PLEKHA5: variants seen among roughly 807,000 people sequenced by gnomAD.
The protein encoded by PLEKHA5 is pleckstrin homology domain-containing family A member 5.
PLEKHA5 carries 55 observed loss-of-function variants against 181.9 expected under a neutral mutation model. That is an observed-to-expected ratio of 0.30 (90% CI 0.24 to 0.38). PLEKHA5 has a LOEUF of 0.38. Among genes scored for constraint, PLEKHA5 ranks in the 10% least tolerant of loss-of-function variants. PLEKHA5 has a pLI of 1.00. For missense variants in PLEKHA5, 1,432 were observed against 1,549.5 expected (o/e 0.92, Z 1.27); for synonymous variants, 535 against 529.4 (o/e 1.01, Z -0.15).
At chr12:19,316,716 T>C (rs1171128480) in intron 16 of PLEKHA5, among the ~76,000 whole-genome samples, 3 of 152,160 alleles carry the variant, frequency 2.0e-5, no homozygotes, top group Admixed American at 2.0e-4. Context: ...ACTTAATTAT[T>C]AAGCAGGGCA....
At chr12:19,184,945 T>C (rs909640316) in intron 3 of PLEKHA5, among the ~76,000 whole-genome samples, 7 of 152,142 alleles carry the variant, frequency 4.6e-5, no homozygotes, top group East Asian at 1.9e-4. Flanking sequence ...GTGATTGTTA[T>C]ATAGTCGGTG....
chr12:19,316,612 T>G (rs1231873905), intron 16 of PLEKHA5, among the ~76,000 whole-genome samples: 3 of 152,130 alleles, frequency 2.0e-5, no homozygotes, highest in Non-Finnish European at 4.4e-5. Context: ...CATGGCTGAG[T>G]CACCAGTTAC....
chr12:19,175,395 A>G (rs2046944053), intron 3 of PLEKHA5, among the ~76,000 whole-genome samples: 1 of 152,208 alleles, frequency 6.6e-6, no homozygotes, highest in African/African-American at 2.4e-5. Context: ...GACTTTTTTC[A>G]GTTTTATAAA....
chr12:19,357,724 C>T lies in PLEKHA5; in HGVS notation c.3139-504C>T, dbSNP rs544387581. On this transcript the variant is annotated intron_variant, in intron 26 of 31. Coordinates refer to ENST00000429027, the MANE Select transcript of PLEKHA5 (RefSeq NM_001256470.2). ...GATCTCAGCTCGCTGCAACCTCCAC[C>T]TCCTGGGCTCAAACCATCCTCCTAC... Among the ~76,000 whole-genome samples, 323 of 152,208 alleles carry T rather than the reference C, an allele frequency of 2.1e-3. 1 individual carries two copies. Among genetic ancestry groups the T allele is most frequent in the Non-Finnish European group, 3.9e-3 (262 of 68,020 alleles).
intron 3 of PLEKHA5, among the ~76,000 whole-genome samples, chr12:19,145,338 T>TAGGCAGGCA (rs1317994184): frequency 6.6e-6 from 1 of 152,126 alleles, no homozygotes; most frequent in East Asian, 1.9e-4. Context: ...AGAGGACTTG[T>TAGGCAGGCA]AGGAAGATGT....
At chr12:19,272,809 T>A (rs2073344077) in intron 10 of PLEKHA5, among the ~76,000 whole-genome samples, 1 of 152,230 alleles carries the variant, frequency 6.6e-6, no homozygotes, top group African/African-American at 2.4e-5. Context: ...AAATATGTTT[T>A]AAAAATCTTT....
intron 3 of PLEKHA5, among the ~76,000 whole-genome samples, chr12:19,230,282 G>A (rs2060299946): frequency 6.6e-6 from 1 of 152,176 alleles, no homozygotes; most frequent in Admixed American, 6.5e-5. Flanking sequence ...CTAGACTCAG[G>A]AGCCCAGCTG....
intron 16 of PLEKHA5, among the ~76,000 whole-genome samples, chr12:19,317,194 C>T (rs779817951): frequency 1.9e-4 from 29 of 152,060 alleles, no homozygotes; most frequent in Non-Finnish European, 3.4e-4. Context: ...AAGCAAGACC[C>T]TGTCTCTGCA....
At chr12:19,333,279 C>T (rs2153101660) in intron 20 of PLEKHA5, among the ~76,000 whole-genome samples, 1 of 151,724 alleles carries the variant, frequency 6.6e-6, no homozygotes, top group East Asian at 2.0e-4. Context: ...GAGTGAAACT[C>T]CATCTCAAAA....
intron 3 of PLEKHA5, among the ~76,000 whole-genome samples, chr12:19,238,535 T>C (rs957997667): frequency 3.3e-5 from 5 of 152,134 alleles, no homozygotes; most frequent in African/African-American, 1.2e-4. Context: ...TTCTACCCAA[T>C]TTAACTATAC....
chr12:19,172,145 A>G (rs1441866597), intron 3 of PLEKHA5, among the ~76,000 whole-genome samples: 2 of 152,224 alleles, frequency 1.3e-5, no homozygotes, highest in African/African-American at 4.8e-5. Flanking sequence ...ATTATGTACT[A>G]TACATAATTG....
At chr12:19,181,493 G>T (rs534408740) in intron 3 of PLEKHA5, among the ~76,000 whole-genome samples, 1 of 152,272 alleles carries the variant, frequency 6.6e-6, no homozygotes, top group South Asian at 2.1e-4. Context: ...AGCCCTTTAG[G>T]GCTGGGCATG....
At chr12:19,251,272 G>T (rs1306644577) in intron 3 of PLEKHA5, among the ~76,000 whole-genome samples, 1 of 152,056 alleles carries the variant, frequency 6.6e-6, no homozygotes, top group East Asian at 1.9e-4. Context: ...CAGGCATGGT[G>T]ACACACGCTC....
chr12:19,291,438 C>T (rs1158925327), intron 14 of PLEKHA5, among the ~76,000 whole-genome samples: 3 of 152,134 alleles, frequency 2.0e-5, no homozygotes, highest in Non-Finnish European at 2.9e-5. Flanking sequence ...TGCATGTCTA[C>T]GTAATTTCTT....
intron 15 of PLEKHA5, among the ~76,000 whole-genome samples, chr12:19,306,022 G>C (rs1400442961): frequency 1.3e-5 from 2 of 152,018 alleles, no homozygotes; most frequent in Non-Finnish European, 2.9e-5. Context: ...AGAGGTTGCA[G>C]TGAGCTGAGA....
intron 3 of PLEKHA5, among the ~76,000 whole-genome samples, chr12:19,248,887 A>G (rs1271967787): frequency 6.6e-6 from 1 of 152,228 alleles, no homozygotes; most frequent in Non-Finnish European, 1.5e-5. Flanking sequence ...TAATGATGAC[A>G]TATACTGAAT....
At chr12:19,315,582 G>A (rs1435905240) in intron 16 of PLEKHA5, among the ~76,000 whole-genome samples, 1 of 152,080 alleles carries the variant, frequency 6.6e-6, no homozygotes, top group Non-Finnish European at 1.5e-5. Flanking sequence ...AAATTTTTGT[G>A]TATCTCATGG....
Position 19,290,793 on chromosome 12 carries a change from A to G in PLEKHA5, c.1980A>G (p.Pro660=), listed in dbSNP as rs2078232231. Reference sequence around the variant, plus strand: ...AGCTAAAGCTTGAGGCCCACAGCCCAAAGGTCAGCTATGGAGAGATTTGTC... The same window carrying G: ...AGCTAAAGCTTGAGGCCCACAGCCCGAAGGTCAGCTATGGAGAGATTTGTC... ...LMQLKLEAHS[P]KNEILSHHLQ... Residue 660 remains proline, a synonymous_variant, in exon 14 of 32, where the codon CCA becomes CCG. Coordinates refer to ENST00000429027, the MANE Select transcript of PLEKHA5 (RefSeq NM_001256470.2). 6.5e-7 allele frequency: 1 copy of G among 1,533,488 alleles called. No homozygotes were observed. The highest frequency in any genetic ancestry group is 8.7e-7 in the Non-Finnish European group (1 of 1,144,692). The allele number at this position is 1,533,488 out of a possible 1,614,324, so 95.0% of individuals were successfully genotyped here.
At chr12:19,328,562 T>A (rs1177916088) in intron 20 of PLEKHA5, among the ~76,000 whole-genome samples, 3 of 63,762 alleles carry the variant, frequency 4.7e-5, no homozygotes, top group Non-Finnish European at 9.0e-5. Flanking sequence ...CCTAGGAGTG[T>A]GTGTGTGTGT....
Sources: allele counts gnomAD v4.1 joint callset (sites outside exome capture counted in the v4.1 genomes callset), GRCh38; gene constraint gnomAD v4.1.1; transcripts MANE v1.5; gene names NCBI Gene and HGNC (gene_info 2026-07-23, HGNC 2026-07-21).